The following DLGAP2 variants were observed in gnomAD, a reference collection of about 807,000 sequenced individuals.
DLGAP2 encodes the protein DLG associated protein 2, also known as disks large-associated protein 2.
DLGAP2 carries 26 observed loss-of-function variants against 100.3 expected under a neutral mutation model. The observed-to-expected ratio is 0.26, with a 90% CI of 0.19 to 0.36. The LOEUF (loss-of-function observed/expected upper bound fraction) is 0.36, where lower values mean the gene tolerates loss of function less well. DLGAP2 is among the 10% of genes least tolerant of loss of function. The pLI is 1.00. For missense variants in DLGAP2, 1,858 were observed against 1,453.2 expected (o/e 1.28, Z -4.53); for synonymous variants, 886 against 630.1 (o/e 1.41, Z -6.08).
At chr8:801,313 TG>T (rs1796147094) in intron 1 of DLGAP2, among the ~76,000 whole-genome samples, 1 of 152,142 alleles carries the variant, frequency 6.6e-6, no homozygotes, top group Non-Finnish European at 1.5e-5. Context: ...ATCTGAGGAG[TG>T]CAGCAGTGGA....
intron 1 of DLGAP2, among the ~76,000 whole-genome samples, chr8:857,037 A>G (rs2128988895): frequency 6.6e-6 from 1 of 152,350 alleles, no homozygotes; most frequent in Non-Finnish European, 1.5e-5. Flanking sequence ...GATCAATGGA[A>G]CAGAACAGAG....
chr8:1,363,000 C>G (rs1220014357), intron 3 of DLGAP2, among the ~76,000 whole-genome samples: 2 of 152,226 alleles, frequency 1.3e-5, no homozygotes, highest in East Asian at 3.9e-4. Flanking sequence ...AGCCACATCT[C>G]AGCCCCACCG....
At chr8:1,586,916 C>A (rs1584958209) in intron 6 of DLGAP2, among the ~76,000 whole-genome samples, 1 of 152,166 alleles carries the variant, frequency 6.6e-6, no homozygotes, top group South Asian at 2.1e-4. Context: ...TATGCTTTCA[C>A]CTTCATCAGT....
chr8:1,570,779 T>C (rs536610435), intron 6 of DLGAP2, among the ~76,000 whole-genome samples: 1 of 137,550 alleles, frequency 7.3e-6, no homozygotes, highest in South Asian at 2.3e-4. Flanking sequence ...CGGGGGTGTC[T>C]GATGAGATGG....
At chr8:1,510,671 G>A (rs1252937975) in intron 4 of DLGAP2, among the ~76,000 whole-genome samples, 2 of 152,222 alleles carry the variant, frequency 1.3e-5, no homozygotes, top group Non-Finnish European at 2.9e-5. Context: ...CTGAGGCACA[G>A]AGAGAGTGGT....
At chr8:1,607,234 T>G (rs1796830005) in intron 6 of DLGAP2, among the ~76,000 whole-genome samples, 1 of 152,210 alleles carries the variant, frequency 6.6e-6, no homozygotes, top group African/African-American at 2.4e-5. Flanking sequence ...AAAATCTGAC[T>G]TATATTCTTT....
chr8:1,452,161 G>A lies in DLGAP2; in HGVS notation c.107-49205G>A, dbSNP rs572576467. ...CTGTCAAGACACTGCCTCAGTTTGA[G>A]GCATAGCCCCGTGGCTGGATGTTCT... On this transcript the variant is annotated intron_variant, in intron 3 of 14. Transcript: ENST00000637795. Among the ~76,000 whole-genome samples the A allele has an allele frequency of 1.6e-4, 24 of 152,350 alleles. No homozygotes were observed. In the East Asian group the frequency reaches 4.4e-3, roughly 28 times the overall value.
At chr8:1,295,098 G>A (rs549990433) in intron 3 of DLGAP2, among the ~76,000 whole-genome samples, 10 of 152,204 alleles carry the variant, frequency 6.6e-5, no homozygotes, top group African/African-American at 1.4e-4. Context: ...CTACTACCAC[G>A]GGCTCATGTT....
chr8:1,472,008 C>T (rs1282017316), intron 3 of DLGAP2, among the ~76,000 whole-genome samples: 1 of 152,230 alleles, frequency 6.6e-6, no homozygotes, highest in Non-Finnish European at 1.5e-5. Flanking sequence ...GTCTCTGTGC[C>T]AGGCACTACG....
chr8:1,548,651 G>T lies in DLGAP2; in HGVS notation c.198G>T (p.Thr66=). The T allele has an allele frequency of 1.9e-6, 3 of 1,568,750 alleles. No homozygotes were observed. Among genetic ancestry groups the T allele is most frequent in the Non-Finnish European group, 2.6e-6 (3 of 1,158,364 alleles). Residue 66 remains threonine (T), a synonymous_variant, in exon 5 of 15, where the codon ACG becomes ACT. Transcript: ENST00000637795. ...ACCCGCAGTACTCATGGTCGCCCAC[G>T]CAGCACTTCAATGAGGAGCGCTACT... ...DLDPQYSWSP[T]QHFNEERYSP...
In DLGAP2 at chr8:1,189,253, G is replaced by C. The variant is rs1165221190; in HGVS notation, c.74-69598G>C. ...CGCGGTTGGGGTTGAGCATACACAG[G>C]GTTCGGGCCCCAGCGGGAGTCACTG... On this transcript the variant is annotated intron_variant, in intron 2 of 14. Transcript: ENST00000637795. Among the ~76,000 whole-genome samples, 2 of 152,224 alleles carry C rather than the reference G, an allele frequency of 1.3e-5. 1 individual carries two copies. The highest frequency in any genetic ancestry group is 4.8e-5 in the African/African-American group (2 of 41,452).
chr8:977,853 G>T lies in DLGAP2; in HGVS notation c.73+69887G>T, dbSNP rs13271066. On this transcript the variant is annotated intron_variant, in intron 2 of 14. Coordinates refer to ENST00000637795, the MANE Select transcript of DLGAP2 (RefSeq NM_001346810.2). ...GGAGGGCGTCGGGGATGCAGTGAGG[G>T]GCTGCGTTCTGGTCTTTGGTGTTGT... 9.9e-4 allele frequency among the ~76,000 whole-genome samples: 29 copies of T among 29,202 alleles called. 1 individual carries two copies. Among genetic ancestry groups the T allele is most frequent in the African/African-American group, 2.2e-3 (19 of 8,630 alleles). 19.2% of individuals were successfully genotyped at this position (29,202 alleles called of 152,430 possible).
rs1585196481 is a variant in DLGAP2 at position 1,254,986 on chromosome 8, GTGTGTGTC to G, written c.74-3864_74-3857del. 9.4e-4 allele frequency among the ~76,000 whole-genome samples: 122 copies of G among 129,532 alleles called. 2 individuals are homozygous for G. Among genetic ancestry groups the G allele is most frequent in the African/African-American group, 2.9e-3 (90 of 31,394 alleles). The allele number at this position is 129,532 out of a possible 152,430, so 85.0% of individuals were successfully genotyped here. ...TCCTCTCATCCTGTCCGGGTGCTGT[GTGTGTGTC>G]CTCTCATCCTGCTTGGGCGCTGTGT... On this transcript the variant is annotated intron_variant, in intron 2 of 14. Transcript: ENST00000637795.
chr8:1,655,244 G>A lies in DLGAP2; in HGVS notation c.1811-13085G>A, dbSNP rs113160361. On this transcript the variant is annotated intron_variant, in intron 8 of 14. Coordinates refer to ENST00000637795, the MANE Select transcript of DLGAP2 (RefSeq NM_001346810.2). ...GATTTATTCTTCTGTTTTGTGACTA[G>A]CATTAATTAAAGTGTCAAAATGGCT... 5.1e-3 allele frequency among the ~76,000 whole-genome samples: 778 copies of A among 152,308 alleles called. 7 individuals are homozygous for A. Among genetic ancestry groups the A allele is most frequent in the African/African-American group, 0.017 (724 of 41,566 alleles).
chr8:1,294,292 C>G (rs1201281516), intron 3 of DLGAP2, among the ~76,000 whole-genome samples: 1 of 152,164 alleles, frequency 6.6e-6, no homozygotes, highest in African/African-American at 2.4e-5. Flanking sequence ...TAAACATTGT[C>G]TTATTAAGGG....
At chr8:1,028,273 G>A in intron 2 of DLGAP2, among the ~76,000 whole-genome samples, 1 of 137,850 alleles carries the variant, frequency 7.3e-6, no homozygotes, top group Admixed American at 7.1e-5. Context: ...TATTCTCCAG[G>A]TGGGGTGTCA....
intron 3 of DLGAP2, among the ~76,000 whole-genome samples, chr8:1,331,219 G>A (rs1801150894): frequency 6.6e-6 from 1 of 152,206 alleles, no homozygotes; most frequent in Admixed American, 6.5e-5. Flanking sequence ...GCACTGATGT[G>A]CTAGTTGAAG....
At position 786,807 on chromosome 8, in the gene DLGAP2, GT is replaced by G. The variant is rs76173780; in HGVS notation, c.18+48994del. Among the ~76,000 whole-genome samples the G allele has an allele frequency of 3.4e-3, 494 of 145,692 alleles. 3 individuals carry two copies. Among genetic ancestry groups the G allele is most frequent in the African/African-American group, 0.011 (436 of 40,016 alleles). On this transcript the variant is annotated intron_variant, in intron 1 of 14. Transcript: ENST00000637795. ...GGAAGCATCATGAACCTTGTCTTCC[GT>G]TTTTTTTTTTTAACAGCGTCTCAGT... is the stretch of plus-strand genomic sequence containing the variant.
At chr8:1,676,277 A>G (rs564126536) in intron 10 of DLGAP2, among the ~76,000 whole-genome samples, 54 of 152,286 alleles carry the variant, frequency 3.5e-4, no homozygotes, top group African/African-American at 1.3e-3. Context: ...AAGCAGTTTT[A>G]TTTGCATACA....
Sources: allele counts gnomAD v4.1 joint callset (sites outside exome capture counted in the v4.1 genomes callset), GRCh38; gene constraint gnomAD v4.1.1; transcripts MANE v1.5; gene names NCBI Gene and HGNC (gene_info 2026-07-23, HGNC 2026-07-21).